Variants in MGMT observed in about 807,000 individuals in gnomAD.
The protein encoded by MGMT is methylated-DNA--protein-cysteine methyltransferase.
A neutral mutation model predicts 15.9 loss-of-function variants in MGMT; 14 were observed. The ratio of observed to expected loss-of-function variants is 0.88; its 90% confidence interval spans 0.58 to 1.37. MGMT has a LOEUF of 1.37. Among genes scored for constraint, MGMT ranks in the 40% most tolerant of loss-of-function variants. MGMT has a pLI of 0.00. For missense variants in MGMT, 282 were observed against 268.1 expected, an observed-to-expected ratio of 1.05 and a Z score of -0.36; for synonymous variants, 130 against 118.2, an observed-to-expected ratio of 1.10 and a Z score of -0.65.
At chr10:129,543,672 G>A (rs1846068932) in intron 2 of MGMT, among the ~76,000 whole-genome samples, 1 of 151,870 alleles carries the variant, frequency 6.6e-6, no homozygotes, top group African/African-American at 2.4e-5. Context: ...GGGTCCTTAT[G>A]TGCTGGACTC....
chr10:129,582,351 T>C lies in MGMT; in HGVS notation c.125+45974T>C, dbSNP rs149581530. Among the ~76,000 whole-genome samples, 724 of 152,316 alleles carry C rather than the reference T, an allele frequency of 4.8e-3. 5 individuals carry two copies. The highest frequency in any genetic ancestry group is 0.016 in the African/African-American group (686 of 41,578). On this transcript the variant is annotated intron_variant, in intron 2 of 4. Coordinates refer to ENST00000651593, the MANE Select transcript of MGMT (RefSeq NM_002412.5). ...TAGTTCAGAGAGTCCCTCCTCGTGTTATAGTTCTCATGACCACTGCGCAGT... is the reference window on the plus strand; with the variant it reads ...TAGTTCAGAGAGTCCCTCCTCGTGTCATAGTTCTCATGACCACTGCGCAGT...
chr10:129,554,523 A>G (rs148289465), intron 2 of MGMT, among the ~76,000 whole-genome samples: 174 of 152,056 alleles, frequency 1.1e-3, no homozygotes, highest in African/African-American at 3.6e-3. Context: ...GTGAACCTCT[A>G]TGTTTTTGTT....
At chr10:129,761,255 A>G (rs1010988132) in intron 4 of MGMT, among the ~76,000 whole-genome samples, 1 of 152,100 alleles carries the variant, frequency 6.6e-6, no homozygotes, top group Non-Finnish European at 1.5e-5. Context: ...CCCCCCGAGG[A>G]GAGTAAGTCC....
intron 2 of MGMT, chr10:129,563,987 C>T (rs1343046934): frequency 6.6e-6 from 1 of 152,382 alleles, no homozygotes; most frequent in Non-Finnish European, 1.5e-5. Flanking sequence ...TGGAAGTAGC[C>T]AGAGGTGGTG....
chr10:129,644,613 A>G (rs1363050733), intron 2 of MGMT, among the ~76,000 whole-genome samples: 4 of 152,232 alleles, frequency 2.6e-5, no homozygotes, highest in African/African-American at 7.2e-5. Context: ...GCTCACACCG[A>G]GGCCTCAATT....
intron 2 of MGMT, among the ~76,000 whole-genome samples, chr10:129,603,784 ACTTT>A (rs761089536): frequency 6.6e-6 from 1 of 152,216 alleles, no homozygotes; most frequent in Non-Finnish European, 1.5e-5. Context: ...GAAGAATAAA[ACTTT>A]CTTTTATTTA....
At chr10:129,513,235 G>C (rs1231095257) in intron 1 of MGMT, among the ~76,000 whole-genome samples, 5 of 151,516 alleles carry the variant, frequency 3.3e-5, no homozygotes, top group Non-Finnish European at 4.4e-5. Flanking sequence ...TGGGTGCTGG[G>C]GGGTGGGGAG....
chr10:129,517,838 G>A (rs76291463), intron 1 of MGMT, among the ~76,000 whole-genome samples: 12,638 of 152,268 alleles, frequency 0.083, 718 homozygotes, highest in East Asian at 0.3. Flanking sequence ...GCCGCAGCCC[G>A]GGACTGCTGA....
chr10:129,560,674 A>C (rs1247179090), intron 2 of MGMT, among the ~76,000 whole-genome samples: 8 of 152,216 alleles, frequency 5.3e-5, no homozygotes, highest in Admixed American at 1.3e-4. Flanking sequence ...TTCAGCGTTA[A>C]AGTTCAATAC....
At chr10:129,486,035 T>TA (rs1467026199) in intron 1 of MGMT, among the ~76,000 whole-genome samples, 10 of 152,196 alleles carry the variant, frequency 6.6e-5, no homozygotes, top group Admixed American at 3.3e-4. Flanking sequence ...TCTACCTTAT[T>TA]AGACTTGATA....
chr10:129,608,160 C>T (rs575742427), intron 2 of MGMT, among the ~76,000 whole-genome samples: 3 of 152,332 alleles, frequency 2.0e-5, no homozygotes, highest in South Asian at 4.1e-4. Context: ...GGGGTTGCCA[C>T]GTTGACTTGC....
intron 3 of MGMT, among the ~76,000 whole-genome samples, chr10:129,731,995 G>T (rs1848503580): frequency 6.6e-6 from 1 of 152,100 alleles, no homozygotes; most frequent in Non-Finnish European, 1.5e-5. Context: ...TCCTAGTATT[G>T]CTATGGAAAT....
At chr10:129,661,666 T>A (rs538378867) in intron 2 of MGMT, among the ~76,000 whole-genome samples, 1 of 152,344 alleles carries the variant, frequency 6.6e-6, no homozygotes, top group African/African-American at 2.4e-5. Context: ...TCTTAGCAGT[T>A]TAGTGGTGTC....
At position 129,532,721 on chromosome 10, in the gene MGMT, C is replaced by T. The variant is rs890392520; in HGVS notation, c.-12-3520C>T. On this transcript the variant is annotated intron_variant, in intron 1 of 4. Transcript: ENST00000651593. The surrounding 1 kb of genome is among the most constrained non-coding windows in gnomAD (Gnocchi z 5.3). ...GCGTGACAGCCCTTCCAGCCCGTCA[C>T]GGTGTGTAGTGCCCAAAGCCCTGGC... 3.3e-5 allele frequency among the ~76,000 whole-genome samples: 5 copies of T among 152,176 alleles called. No homozygotes were observed. The highest frequency in any genetic ancestry group is 7.2e-5 in the African/African-American group (3 of 41,452).
At chr10:129,718,330 T>C (rs1848323621) in intron 3 of MGMT, among the ~76,000 whole-genome samples, 1 of 152,174 alleles carries the variant, frequency 6.6e-6, no homozygotes, top group Admixed American at 6.5e-5. Context: ...ACCTGTGGAA[T>C]CCAGCAGCTC....
intron 2 of MGMT, among the ~76,000 whole-genome samples, chr10:129,565,563 C>T (rs778133715): frequency 1.3e-5 from 2 of 152,052 alleles, no homozygotes; most frequent in Non-Finnish European, 2.9e-5. Context: ...TGTTATGCTC[C>T]ACTGTAATTT....
chr10:129,722,771 C>CA (rs886144936), intron 3 of MGMT, among the ~76,000 whole-genome samples: 2 of 152,040 alleles, frequency 1.3e-5, no homozygotes, highest in African/African-American at 2.4e-5. Context: ...TTTGTGAGGC[C>CA]ATGGCAGGCG....
intron 3 of MGMT, among the ~76,000 whole-genome samples, chr10:129,729,009 T>G (rs4986981): frequency 6.6e-6 from 1 of 152,246 alleles, no homozygotes. Flanking sequence ...CATCAGGCTC[T>G]TTCTCTAGTG....
At position 129,556,033 on chromosome 10, in the gene MGMT, C is replaced by T. The variant is rs1475856408; in HGVS notation, c.125+19656C>T. Among the ~76,000 whole-genome samples the T allele has an allele frequency of 6.6e-6, 1 of 152,162 alleles. No homozygotes were observed. The highest frequency in any genetic ancestry group is 1.5e-5 in the Non-Finnish European group (1 of 68,030). On this transcript the variant is annotated intron_variant, in intron 2 of 4. Coordinates refer to ENST00000651593, the MANE Select transcript of MGMT (RefSeq NM_002412.5). The surrounding 1 kb of genome is among the most constrained non-coding windows in gnomAD (Gnocchi z 4.3). ...CTTCTGCCTCTTCAGAAACCATCAT[C>T]AGCTGTGAAATGTGGGCTTCCAAGT...
Sources: allele counts gnomAD v4.1 joint callset (sites outside exome capture counted in the v4.1 genomes callset), GRCh38; gene constraint gnomAD v4.1.1; non-coding constraint Gnocchi (gnomAD v3.1); transcripts MANE v1.5; gene names NCBI Gene and HGNC (gene_info 2026-07-23, HGNC 2026-07-21).